The following CREM variants were observed in gnomAD, a reference collection of about 807,000 sequenced individuals.
CREM encodes the protein cAMP responsive element modulator.
A neutral mutation model predicts 37.3 loss-of-function variants in CREM; 13 were observed. The ratio of observed to expected loss-of-function variants is 0.35; its 90% CI spans 0.23 to 0.55. CREM has a LOEUF of 0.55. CREM is among the 20% of genes least tolerant of loss of function. The pLI is 0.88. For synonymous variants in CREM, 124 were observed against 120.2 expected (o/e 1.03, Z -0.21); for missense variants, 296 against 362.3 (o/e 0.82, Z 1.49).
intron 3 of CREM, among the ~76,000 whole-genome samples, chr10:35,166,235 ATTTG>A (rs928337287): frequency 7.9e-5 from 12 of 151,310 alleles, no homozygotes; most frequent in African/African-American, 2.7e-4. Context: ...TGAATTTGCA[ATTTG>A]TTAGCCACAC....
chr10:35,186,902 TATA>T (rs201497201), intron 5 of CREM, among the ~76,000 whole-genome samples: 30,514 of 101,606 alleles, frequency 0.3, 4,877 homozygotes, highest in Non-Finnish European at 0.35. Flanking sequence ...ATTATAAAAA[TATA>T]ATAATTATTA....
At chr10:35,189,598 C>A (rs1347633541) in intron 6 of CREM, among the ~76,000 whole-genome samples, 4 of 152,084 alleles carry the variant, frequency 2.6e-5, no homozygotes, top group Non-Finnish European at 4.4e-5. Context: ...TCACTGCGAC[C>A]TCCGCCTCCC....
intron 5 of CREM, among the ~76,000 whole-genome samples, chr10:35,186,819 CAT>C (rs1290096943): frequency 2.0e-4 from 23 of 113,416 alleles, no homozygotes; most frequent in African/African-American, 4.2e-4. Context: ...TTGTACATAA[CAT>C]ATATACATAT....
At chr10:35,168,641 C>T (rs1441631964) in intron 3 of CREM, among the ~76,000 whole-genome samples, 3 of 152,180 alleles carry the variant, frequency 2.0e-5, no homozygotes, top group Non-Finnish European at 2.9e-5. Context: ...GTTGCCATTG[C>T]TTTTTGTATT....
intron 1 of CREM, among the ~76,000 whole-genome samples, chr10:35,127,831 G>A (rs1012167415): frequency 6.6e-6 from 1 of 151,372 alleles, no homozygotes; most frequent in Non-Finnish European, 1.5e-5. Context: ...TGAATCTGGG[G>A]AATAAACACA....
intron 6 of CREM, among the ~76,000 whole-genome samples, chr10:35,196,865 C>CTTTTTTTT (rs58503822): frequency 0.012 from 1,278 of 108,868 alleles, 77 homozygotes; most frequent in African/African-American, 0.014. Flanking sequence ...ACGCTGTGTA[C>CTTTTTTTT]TTTTTTTTTT....
intron 5 of CREM, among the ~76,000 whole-genome samples, chr10:35,187,677 T>C (rs1036869561): frequency 2.0e-5 from 3 of 152,160 alleles, no homozygotes; most frequent in Non-Finnish European, 4.4e-5. Flanking sequence ...TTTCTTTTCT[T>C]TTCTTTTTTT....
At position 35,178,908 on chromosome 10, in the gene CREM, CAG is replaced by C; in HGVS notation, c.190_191del (p.Asp64Ter). Reference sequence around the variant, plus strand: ...TTATAGGTAGCAGCAATTGCAGAGACAGATGAATCTGCAGAATCAGAAGGTGT... The same window carrying C: ...TTATAGGTAGCAGCAATTGCAGAGACATGAATCTGCAGAATCAGAAGGTGT... On this transcript the variant is annotated frameshift_variant, in exon 4 of 8. Transcript: ENST00000685392. LOFTEE classifies it high-confidence loss of function. 2 of 1,611,830 alleles carry C rather than the reference CAG, an allele frequency of 1.2e-6. No homozygotes were observed. Among genetic ancestry groups the C allele is most frequent in the Non-Finnish European group, 1.7e-6 (2 of 1,179,154 alleles).
chr10:35,179,109 CT>C, intron 4 of CREM, 24 bp from the exon 5 acceptor site: 6 of 1,592,956 alleles, frequency 3.8e-6, no homozygotes, highest in Non-Finnish European at 5.1e-6. Context: ...ATCTTAGTGA[CT>C]TACCTTGTTA....
At chr10:35,159,825 G>A (rs765786124) in intron 3 of CREM, among the ~76,000 whole-genome samples, 2 of 152,166 alleles carry the variant, frequency 1.3e-5, no homozygotes, top group Non-Finnish European at 2.9e-5. Flanking sequence ...CATCTGATAA[G>A]GGGTTAATAT....
At chr10:35,201,131 C>T (rs1017874494) in intron 6 of CREM, among the ~76,000 whole-genome samples, 9 of 151,176 alleles carry the variant, frequency 6.0e-5, no homozygotes, top group Non-Finnish European at 1.3e-4. Context: ...AGGAATATAA[C>T]GATATATAAT....
intron 1 of CREM, among the ~76,000 whole-genome samples, chr10:35,136,404 TAAG>T (rs1443832633): frequency 1.3e-5 from 2 of 152,174 alleles, no homozygotes; most frequent in Non-Finnish European, 2.9e-5. Flanking sequence ...ATACAGTTGT[TAAG>T]GAGCATAAGA....
At chr10:35,186,881 A>T (rs1395107672) in intron 5 of CREM, among the ~76,000 whole-genome samples, 4 of 97,220 alleles carry the variant, frequency 4.1e-5, no homozygotes, top group African/African-American at 1.6e-4. Flanking sequence ...ATTATATATA[A>T]AATATAAATA....
intron 3 of CREM, among the ~76,000 whole-genome samples, chr10:35,158,798 G>GTTTTTTTTTTTTTTTTT (rs543961468): frequency 2.0e-5 from 2 of 100,840 alleles, no homozygotes; most frequent in Non-Finnish European, 2.1e-5. Context: ...CAAATATAGT[G>GTTTTTTTTTTTTTTTTT]TTTTTTTTTT....
chr10:35,149,939 C>CACACACACACACACACA (rs1554890903), intron 3 of CREM, among the ~76,000 whole-genome samples: 89 of 145,148 alleles, frequency 6.1e-4, no homozygotes, highest in Middle Eastern at 3.5e-3. Context: ...CACACACACA[C>CACACACACACACACACA]CCTTGTTAAA....
chr10:35,187,460 A>C (rs547977182), intron 5 of CREM, among the ~76,000 whole-genome samples: 2 of 149,878 alleles, frequency 1.3e-5, no homozygotes, highest in South Asian at 4.2e-4. Context: ...GGGTTTCACC[A>C]TATTGATCAG....
intron 3 of CREM, among the ~76,000 whole-genome samples, chr10:35,161,219 C>T (rs113170867): frequency 0.29 from 44,447 of 151,680 alleles, 7,044 homozygotes; most frequent in South Asian, 0.35. Context: ...TCACTGCAAC[C>T]TCCGCCTCCT....
intron 3 of CREM, 66 bp from the exon 4 acceptor site, chr10:35,178,823 C>T (rs775902055): frequency 7.4e-7 from 1 of 1,343,148 alleles, no homozygotes; most frequent in South Asian, 1.4e-5. Context: ...CTCTTAGCCT[C>T]AATTTTTTGA....
At chr10:35,140,592 T>C (rs1413305927) in intron 2 of CREM, among the ~76,000 whole-genome samples, 1 of 152,214 alleles carries the variant, frequency 6.6e-6, no homozygotes, top group Non-Finnish European at 1.5e-5. Context: ...ATGGGATCCC[T>C]GTCCCTGAGT....
Sources: gnomAD v4.1 joint callset for allele counts (sites outside exome capture counted in the v4.1 genomes callset) on GRCh38, gnomAD v4.1.1 for gene constraint, MANE v1.5 for transcripts, NCBI Gene and HGNC (gene_info 2026-07-23, HGNC 2026-07-21) for gene names.